The following GPATCH2L variants were observed in gnomAD, a reference collection of about 807,000 sequenced individuals.
GPATCH2L encodes the protein G-patch domain containing 2 like, also known as G patch domain-containing protein 2-like.
Under a neutral mutation model 57.4 loss-of-function variants are expected in GPATCH2L, and 31 were observed. The ratio of observed to expected loss-of-function variants is 0.54; its 90% confidence interval spans 0.41 to 0.73. The LOEUF (loss-of-function observed/expected upper bound fraction) is 0.73, where lower values mean the gene tolerates loss of function less well. Ranked by LOEUF, GPATCH2L falls within the 30% of genes least tolerant of loss-of-function variation. The pLI, the probability that GPATCH2L is intolerant of heterozygous loss-of-function variation, is 0.00. For synonymous variants in GPATCH2L, 199 were observed against 210.7 expected, an observed-to-expected ratio of 0.94 and a Z score of 0.48; for missense variants, 481 against 599.9, an observed-to-expected ratio of 0.80 and a Z score of 2.07.
chr14:76,178,250 A>C (rs759430756), intron 7 of GPATCH2L: 1 of 1,497,180 alleles, frequency 6.7e-7, no homozygotes, highest in Non-Finnish European at 8.9e-7. Context: ...TCTGATTTGC[A>C]TATGGTTTAG....
At chr14:76,191,861 A>G (rs937552547) in intron 8 of GPATCH2L, among the ~76,000 whole-genome samples, 4 of 152,136 alleles carry the variant, frequency 2.6e-5, no homozygotes, top group Admixed American at 1.3e-4. Context: ...ACCTTACAGT[A>G]CTATAGAATG....
At chr14:76,200,310 G>T (rs1034826402) in intron 9 of GPATCH2L, among the ~76,000 whole-genome samples, 1 of 152,106 alleles carries the variant, frequency 6.6e-6, no homozygotes, top group African/African-American at 2.4e-5. Context: ...AGTTAAAAAT[G>T]GATAAGATAG....
chr14:76,188,943 C>G (rs892747859), intron 8 of GPATCH2L, among the ~76,000 whole-genome samples: 3 of 152,062 alleles, frequency 2.0e-5, no homozygotes, highest in African/African-American at 7.2e-5. Context: ...TTTCCCTGCA[C>G]CATTTATTGA....
chr14:76,179,622 C>T (rs1271468913), intron 7 of GPATCH2L: 1 of 152,216 alleles, frequency 6.6e-6, no homozygotes, highest in African/African-American at 2.4e-5. Flanking sequence ...AGAACAGTTG[C>T]TTAGTTTGTA....
rs202159170 is a variant in GPATCH2L at position 76,227,419 on chromosome 14, T to A, written c.66-2389T>A. On this transcript the variant is annotated intron_variant and NMD_transcript_variant, in intron 1 of 3. Coordinates refer to the GPATCH2L transcript ENST00000556372. ...AAATGAGACCAGTGGAGTACCAGAG[T>A]CCAGGGGGGAGGGACTCAGGCAGGA... Among the ~76,000 whole-genome samples the A allele has an allele frequency of 2.4e-4, 36 of 151,930 alleles. No individual in the cohort carries two copies. In the East Asian group the frequency reaches 6.8e-3, roughly 29 times the overall value.
chr14:76,195,256 A>G (rs188122505), intron 8 of GPATCH2L, among the ~76,000 whole-genome samples: 2 of 152,346 alleles, frequency 1.3e-5, no homozygotes, highest in Non-Finnish European at 2.9e-5. Flanking sequence ...TTCAGTGTTA[A>G]TCCCATTGTC....
At chr14:76,162,237 C>A (rs952783362) in intron 2 of GPATCH2L, among the ~76,000 whole-genome samples, 18 of 152,148 alleles carry the variant, frequency 1.2e-4, no homozygotes, top group African/African-American at 3.9e-4. Flanking sequence ...TGGCTGTTGG[C>A]AGAGCTCATT....
At chr14:76,224,250 G>A (rs953800242) in intron 1 of GPATCH2L, among the ~76,000 whole-genome samples, 3 of 152,178 alleles carry the variant, frequency 2.0e-5, no homozygotes, top group African/African-American at 7.2e-5. Flanking sequence ...GAATGGGGAA[G>A]GACTGCTAGT....
At chr14:76,222,372 C>G (rs1030563554) in intron 1 of GPATCH2L, among the ~76,000 whole-genome samples, 6 of 151,964 alleles carry the variant, frequency 3.9e-5, no homozygotes, top group African/African-American at 1.5e-4. Flanking sequence ...TTTGGGAGGC[C>G]AGGGTGGATG....
intron 9 of GPATCH2L, chr14:76,196,187 G>A: frequency 1.5e-6 from 1 of 674,748 alleles, no homozygotes; most frequent in Non-Finnish European, 2.7e-6. Flanking sequence ...TCTAGAGTTT[G>A]AAACCCTATA....
chr14:76,215,257 C>G (rs558517689), downstream of GPATCH2L, among the ~76,000 whole-genome samples: 5 of 152,074 alleles, frequency 3.3e-5, no homozygotes, highest in Admixed American at 3.3e-4. Flanking sequence ...ATTAAAAAGT[C>G]AGGAAACAAC....
At chr14:76,175,796 G>C (rs1363625712) in intron 5 of GPATCH2L, 1 of 152,178 alleles carries the variant, frequency 6.6e-6, no homozygotes, top group Non-Finnish European at 1.5e-5. Context: ...ACACAAATGT[G>C]TTTGAAGAAC....
At chr14:76,217,075 T>C (rs1393015220), downstream of GPATCH2L, among the ~76,000 whole-genome samples, 2 of 152,146 alleles carry the variant, frequency 1.3e-5, no homozygotes, top group Non-Finnish European at 2.9e-5. Context: ...AATTGTACAA[T>C]TTAAACTATA....
At chr14:76,190,507 C>A (rs551962354) in intron 8 of GPATCH2L, among the ~76,000 whole-genome samples, 1 of 152,202 alleles carries the variant, frequency 6.6e-6, no homozygotes, top group Admixed American at 6.5e-5. Context: ...GCGTATACCC[C>A]AGGTTTCGCT....
chr14:76,171,977 T>C lies in GPATCH2L; in HGVS notation c.862T>C (p.Ser288Pro). 1 of 1,612,984 alleles carries C rather than the reference T, an allele frequency of 6.2e-7. No homozygotes were observed. The highest frequency in any genetic ancestry group is 1.3e-5 in the African/African-American group (1 of 75,002). ...AATGGATTCTGGATTGGATAAATTTTCAGATTCCACATTCCTTTTACCTTC... is the reference window on the plus strand; with the variant it reads ...AATGGATTCTGGATTGGATAAATTTCCAGATTCCACATTCCTTTTACCTTC... Reference protein sequence around the residue: ...ERMDSGLDKFSDSTFLLPSRP... With the variant: ...ERMDSGLDKFPDSTFLLPSRP... Residue 288 changes from serine to proline, a missense_variant, in exon 4 of 10, where the codon TCA (serine) becomes CCA (proline). By Grantham distance (74) the Ser-to-Pro change is moderately conservative. This residue lies in a region of GPATCH2L where 248 missense variants were observed against 270.5 expected (regional missense o/e 0.92). Coordinates refer to ENST00000261530, the MANE Select transcript of GPATCH2L (RefSeq NM_017926.4).
At position 76,209,837 on chromosome 14, in the gene GPATCH2L, G is replaced by A. The variant is rs545081031; in HGVS notation, c.*7986G>A. 6.6e-6 allele frequency: 1 copy of A among 152,274 alleles called. No homozygotes were observed. The highest frequency in any genetic ancestry group is 2.4e-5 in the African/African-American group (1 of 41,550). The allele number at this position is 152,274 out of a possible 1,614,324, so 9.4% of individuals were successfully genotyped here. On this transcript the variant is annotated 3_prime_UTR_variant, in exon 10 of 10. Transcript: ENST00000261530. ...TCACTAGTTTCTGATTCAAAATATG[G>A]GGTAGGTGGATCTGATTAGTAGTCA...
chr14:76,196,339 G>A (rs185631034), intron 9 of GPATCH2L: 18 of 510,402 alleles, frequency 3.5e-5, no homozygotes, highest in African/African-American at 2.1e-4. Flanking sequence ...TTTGCATACA[G>A]TACAGTACAT....
At chr14:76,178,222 G>A in intron 7 of GPATCH2L, 180 bp downstream of exon 7, 1 of 1,508,638 alleles carries the variant, frequency 6.6e-7, no homozygotes, top group Non-Finnish European at 8.9e-7. Flanking sequence ...GAACTTTGCA[G>A]TAAGAAAGCA....
chr14:76,156,276 A>G (rs1345188842), intron 2 of GPATCH2L, among the ~76,000 whole-genome samples: 2 of 152,246 alleles, frequency 1.3e-5, no homozygotes, highest in African/African-American at 4.8e-5. Context: ...TTTAGCTTAA[A>G]AACAAAGACA....
Sources: allele counts gnomAD v4.1 joint callset (sites outside exome capture counted in the v4.1 genomes callset), GRCh38; gene constraint gnomAD v4.1.1; regional missense constraint gnomAD v4.1.1; transcripts MANE v1.5; gene names NCBI Gene and HGNC (gene_info 2026-07-23, HGNC 2026-07-21).